PCSK7: variants seen among roughly 807,000 people sequenced by gnomAD.
PCSK7 encodes the protein lymphoma proprotein convertase.
A neutral mutation model predicts 73.3 loss-of-function variants in PCSK7; 38 were observed. That is an observed-to-expected ratio of 0.52 (90% CI 0.40 to 0.68). The LOEUF (loss-of-function observed/expected upper bound fraction) is 0.68, where lower values mean the gene tolerates loss of function less well. PCSK7 is among the 30% of genes least tolerant of loss of function. The pLI, the probability that PCSK7 is intolerant of heterozygous loss-of-function variation, is 0.00. For missense variants in PCSK7, 692 were observed against 991.5 expected (o/e 0.70, Z 4.06); for synonymous variants, 296 against 383.8 (o/e 0.77, Z 2.68).
At chr11:117,227,073 G>A (rs2134329095) in intron 5 of PCSK7, 84 bp downstream of exon 5, 1 of 1,125,168 alleles carries the variant, frequency 8.9e-7, no homozygotes, top group Non-Finnish European at 1.3e-6. Flanking sequence ...GGATAAAGAT[G>A]TTTCAGAGTA....
Position 117,205,661 on chromosome 11 carries a change from A to G in PCSK7, c.*336T>C, listed in dbSNP as rs914135875. ...GCTATGGCAGGCACCTTCTCAACTT[A>G]TATGTGGGAAGGGGTCCCCCATGCT... On this transcript the variant is annotated 3_prime_UTR_variant, in exon 17 of 17. Coordinates refer to ENST00000320934, the MANE Select transcript of PCSK7 (RefSeq NM_004716.4). 1 of 271,868 alleles carries G rather than the reference A, an allele frequency of 3.7e-6. No homozygotes were observed. The highest frequency in any genetic ancestry group is 6.9e-6 in the Non-Finnish European group (1 of 144,956). 16.8% of individuals were successfully genotyped at this position (271,868 alleles called of 1,614,324 possible).
Position 117,219,101 on chromosome 11 carries a change from C to T in PCSK7, c.1387G>A (p.Gly463Ser), listed in dbSNP as rs1407631588. ...EAGFSHSHQH[G>S]FGLLNAWRLV... is the part of the protein sequence containing the mutation. ...CTCCAGGCGTTGAGGAGGCCGAAAC[C>T]GTGCTGGTGGCTATGGCTGAAGCCT... The change falls in exon 11 of 17, where the codon GGT becomes AGT. Residue 463 changes from glycine (G) to serine (S), a missense_variant. This residue lies in a region of PCSK7 where 574 missense variants were observed against 689.8 expected (regional missense o/e 0.83). Coordinates refer to ENST00000320934, the MANE Select transcript of PCSK7 (RefSeq NM_004716.4). 2 of 1,611,122 alleles carry T rather than the reference C, an allele frequency of 1.2e-6. No individual in the cohort carries two copies. Among genetic ancestry groups the T allele is most frequent in the Admixed American group, 1.7e-5 (1 of 60,010 alleles).
intron 3 of PCSK7, 25 bp downstream of exon 3, chr11:117,229,352 C>G: frequency 1.3e-6 from 2 of 1,569,796 alleles, no homozygotes; most frequent in Non-Finnish European, 1.7e-6. Context: ...CCACCTGAAA[C>G]TGCAAACTGC....
intron 12 of PCSK7, chr11:117,214,933 A>G (rs896272523): frequency 1.2e-4 from 18 of 151,634 alleles, no homozygotes; most frequent in African/African-American, 4.1e-4. Flanking sequence ...CCAATCACAG[A>G]CTCTCTGAGT....
intron 6 of PCSK7, chr11:117,225,625 T>C: frequency 2.6e-6 from 1 of 389,970 alleles, no homozygotes; most frequent in Non-Finnish European, 4.8e-6. Context: ...GTGTTGGGCA[T>C]TCAGCTGGCC....
At position 117,204,593 on chromosome 11, in the gene PCSK7, C is replaced by T. The variant is rs2031258518; in HGVS notation, c.*1404G>A. 1.5e-6 allele frequency: 1 copy of T among 648,520 alleles called. No homozygotes were observed. The highest frequency in any genetic ancestry group is 2.1e-5 in the Admixed American group (1 of 46,928). 40.2% of individuals were successfully genotyped at this position (648,520 alleles called of 1,614,324 possible). A position where few individuals can be genotyped will look rare whatever the true frequency, so the allele number is the denominator to read the frequency against. ...TTGGCCCCTCCCTCCCGGCTGCCCC[C>T]ATCACCTCTACTGTCTCCTCCCTGG... On this transcript the variant is annotated 3_prime_UTR_variant, in exon 17 of 17. Coordinates refer to ENST00000320934, the MANE Select transcript of PCSK7 (RefSeq NM_004716.4).
chr11:117,218,226 T>G lies in PCSK7; in HGVS notation c.1534+240A>C. ...GCCTCCCACCCGCCCTCCTCCTCAG[T>G]TGCTCTGCTGCTCCTTTTCACTACT... On this transcript the variant is annotated intron_variant, in intron 12 of 16. Transcript: ENST00000320934. This position sits in a 1 kb window ranked among gnomAD's most constrained non-coding sequence, Gnocchi z 4.0. The G allele has an allele frequency of 4.8e-6, 1 of 206,818 alleles. No homozygotes were observed. The highest frequency in any genetic ancestry group is 9.7e-6 in the Non-Finnish European group (1 of 102,758). 12.8% of individuals were successfully genotyped at this position (206,818 alleles called of 1,614,324 possible). A position where few individuals can be genotyped will look rare whatever the true frequency, so the allele number is the denominator to read the frequency against.
intron 11 of PCSK7, 36 bp downstream of exon 11, chr11:117,219,021 C>A: frequency 1.4e-6 from 2 of 1,459,878 alleles, no homozygotes; most frequent in South Asian, 2.3e-5. Flanking sequence ...TTGGTCACTC[C>A]ACACAGGGCA....
At chr11:117,212,401 TTTC>T (rs1281057232) in intron 12 of PCSK7, 2 of 137,044 alleles carry the variant, frequency 1.5e-5, no homozygotes, top group African/African-American at 3.0e-5. Context: ...TTTTTTTTCT[TTTC>T]TTTTTTTTTT....
At position 117,229,674 on chromosome 11, in the gene PCSK7, G is replaced by C. The variant is rs749694821; in HGVS notation, c.171C>G (p.His57Gln). ...QGTGGPSWAV[H>Q]LESLEGDGEE... ...CCCCGTCACCTTCCAGGCTTTCCAG[G>C]TGCACAGCCCAGCTCGGCCCCCCTG... is the stretch of plus-strand genomic sequence containing the variant. The change falls in exon 3 of 17, where the codon CAC (histidine) becomes CAG (glutamine). Residue 57 changes from histidine (H) to glutamine (Q), a missense_variant. Transcript: ENST00000320934. 1.5e-5 allele frequency: 24 copies of C among 1,613,732 alleles called. No individual in the cohort carries two copies. The highest frequency in any genetic ancestry group is 8.3e-5 in the Admixed American group (5 of 60,008).
rs976590756 is a variant in PCSK7 at position 117,215,945 on chromosome 11, T to G, written c.1534+2521A>C. 1.3e-4 allele frequency: 20 copies of G among 152,160 alleles called. 1 individual carries two copies. Among genetic ancestry groups the G allele is most frequent in the African/African-American group, 4.8e-4 (20 of 41,502 alleles). The allele number at this position is 152,160 out of a possible 1,614,324, so 9.4% of individuals were successfully genotyped here. On this transcript the variant is annotated intron_variant, in intron 12 of 16. Transcript: ENST00000320934. The stretch of plus-strand genomic sequence containing the variant: ...ACCATGGCTTACTGCAGCCTTGGCA[T>G]CCTGGGCTCAAGGAATCCTCCTGTC...
chr11:117,226,911 C>T (rs931590142), intron 5 of PCSK7: 4 of 436,588 alleles, frequency 9.2e-6, no homozygotes, highest in East Asian at 8.3e-5. Flanking sequence ...GAGGAAAAAC[C>T]GACAAGAAGG....
rs763862195 is a variant in PCSK7 at position 117,227,188 on chromosome 11, G to A, written c.738C>T (p.Ala246=). 3.1e-6 allele frequency: 5 copies of A among 1,609,144 alleles called. No homozygotes were observed. Among genetic ancestry groups the A allele is most frequent in the African/African-American group, 1.3e-5 (1 of 74,750 alleles). ...IAAVPNNSFC[A]VGVAYGSRIA... ...TGCGGCTCCCGTAGGCCACGCCCAC[G>A]GCACAGAAGCTGTTGTTGGGCACAG... Residue 246 remains alanine (A), a synonymous_variant, in exon 5 of 17, where the codon GCC becomes GCT. Transcript: ENST00000320934.
At chr11:117,222,476 G>A (rs1330408859) in intron 9 of PCSK7, 1 of 152,160 alleles carries the variant, frequency 6.6e-6, no homozygotes, top group Non-Finnish European at 1.5e-5. Flanking sequence ...AGATGCACAT[G>A]ACCAGAACTC....
rs558480074 is a variant in PCSK7, at chr11:117,226,877, C to T, written c.769+280G>A. ...GGGGAGCTGGGAAATGCAAAGGCTG[C>T]CACCATAGACGTATCGGATCATAGA... is the stretch of plus-strand genomic sequence containing the variant. On this transcript the variant is annotated intron_variant, in intron 5 of 16. Transcript: ENST00000320934. 32 of 307,476 alleles carry T rather than the reference C, an allele frequency of 1.0e-4. No individual in the cohort carries two copies. The East Asian group carries it at 2.1e-3, about 20-fold the overall frequency. The allele number at this position is 307,476 out of a possible 1,614,324, so 19.0% of individuals were successfully genotyped here.
chr11:117,228,673 T>C (rs888141015), intron 3 of PCSK7, among the ~76,000 whole-genome samples: 14 of 147,924 alleles, frequency 9.5e-5, no homozygotes, highest in African/African-American at 3.5e-4. Context: ...GAGTGTGGAG[T>C]GCAGTGGCAG....
chr11:117,221,678 A>T (rs80351364), intron 9 of PCSK7: 8,456 of 152,410 alleles, frequency 0.055, 270 homozygotes, highest in Middle Eastern at 0.11. Flanking sequence ...TGAGGGTGAG[A>T]AGCTGAGGTG....
intron 12 of PCSK7, chr11:117,210,167 T>C (rs1326606033): frequency 1.3e-5 from 2 of 152,222 alleles, no homozygotes; most frequent in Non-Finnish European, 2.9e-5. Context: ...TGTCAATTTC[T>C]TGGTTTTGAT....
chr11:117,222,335 G>A (rs2032236003), intron 9 of PCSK7: 1 of 152,138 alleles, frequency 6.6e-6, no homozygotes. Flanking sequence ...GACCCTGCTC[G>A]AATTTCATTT....
Sources: allele counts gnomAD v4.1 joint callset (sites outside exome capture counted in the v4.1 genomes callset), GRCh38; gene constraint gnomAD v4.1.1; regional missense constraint gnomAD v4.1.1; non-coding constraint Gnocchi (gnomAD v3.1); transcripts MANE v1.5; gene names NCBI Gene and HGNC (gene_info 2026-07-23, HGNC 2026-07-21).